Variants in SLC35F4 observed in about 807,000 individuals in gnomAD.
SLC35F4 encodes chromosome 14 open reading frame 36.
A neutral mutation model predicts 44.2 loss-of-function variants in SLC35F4; 24 were observed. The ratio of observed to expected loss-of-function variants is 0.54; its 90% CI spans 0.39 to 0.76. The LOEUF is 0.76. SLC35F4 is among the 30% of genes least tolerant of loss of function. SLC35F4 has a pLI of 0.00. For missense variants in SLC35F4, 562 were observed against 586.1 expected, an observed-to-expected ratio of 0.96 and a Z score of 0.42; for synonymous variants, 238 against 223.6, an observed-to-expected ratio of 1.06 and a Z score of -0.57.
intron 1 of SLC35F4, among the ~76,000 whole-genome samples, chr14:57,755,027 T>A (rs1229457886): frequency 1.3e-5 from 2 of 152,172 alleles, no homozygotes; most frequent in Admixed American, 6.5e-5. Flanking sequence ...GTAAACTTCG[T>A]GGTGTGGAAT....
chr14:57,908,942 T>C (rs1392753520), intron 1 of SLC35F4, among the ~76,000 whole-genome samples: 1 of 152,240 alleles, frequency 6.6e-6, no homozygotes, highest in Non-Finnish European at 1.5e-5. Flanking sequence ...CTTTAATCCA[T>C]CCTGAGTTAA....
At chr14:57,784,482 A>G (rs2077708100) in intron 1 of SLC35F4, among the ~76,000 whole-genome samples, 1 of 152,140 alleles carries the variant, frequency 6.6e-6, no homozygotes, top group African/African-American at 2.4e-5. Flanking sequence ...CTAATAGGTC[A>G]AGACCAGCCT....
At chr14:57,911,650 C>T (rs545485483) in intron 1 of SLC35F4, among the ~76,000 whole-genome samples, 7 of 151,996 alleles carry the variant, frequency 4.6e-5, no homozygotes, top group South Asian at 4.1e-4. Flanking sequence ...ATCGTCATAG[C>T]GTATAATTCT....
chr14:57,598,634 A>T (rs963325826), intron 1 of SLC35F4, among the ~76,000 whole-genome samples: 1 of 152,208 alleles, frequency 6.6e-6, no homozygotes, highest in Non-Finnish European at 1.5e-5. Flanking sequence ...GATGACTTGG[A>T]AGATACAGAT....
At chr14:57,644,556 C>T (rs1200310899) in intron 1 of SLC35F4, among the ~76,000 whole-genome samples, 1 of 151,626 alleles carries the variant, frequency 6.6e-6, no homozygotes, top group Middle Eastern at 3.2e-3. Context: ...TTCTCCCATT[C>T]TGTAGGTTGC....
intron 1 of SLC35F4, among the ~76,000 whole-genome samples, chr14:57,957,344 A>G (rs955395398): frequency 2.0e-5 from 3 of 151,958 alleles, no homozygotes; most frequent in African/African-American, 7.3e-5. Flanking sequence ...CGTAGGTGAC[A>G]GGTTGATGCA....
chr14:57,847,185 C>G (rs866567873), intron 1 of SLC35F4, among the ~76,000 whole-genome samples: 1 of 152,120 alleles, frequency 6.6e-6, no homozygotes, highest in African/African-American at 2.4e-5. Context: ...GACATGCTGC[C>G]CTAGACCCTT....
chr14:57,742,131 A>G (rs1047787348), intron 1 of SLC35F4, among the ~76,000 whole-genome samples: 1 of 152,218 alleles, frequency 6.6e-6, no homozygotes, highest in Non-Finnish European at 1.5e-5. Context: ...GCCAAATTGT[A>G]AAGACCATCC....
At chr14:57,582,372 T>G (rs917548727) in intron 3 of SLC35F4, among the ~76,000 whole-genome samples, 7 of 152,078 alleles carry the variant, frequency 4.6e-5, no homozygotes, top group Non-Finnish European at 1.0e-4. Flanking sequence ...GTTTTTGAAA[T>G]TTTTTTGTAG....
At chr14:57,882,867 G>T (rs1018409356) in intron 1 of SLC35F4, among the ~76,000 whole-genome samples, 7 of 152,134 alleles carry the variant, frequency 4.6e-5, no homozygotes, top group African/African-American at 1.4e-4. Context: ...CCCATGAAAG[G>T]CTGGGTGTTC....
At chr14:57,845,213 T>C (rs1219044132) in intron 1 of SLC35F4, among the ~76,000 whole-genome samples, 1 of 152,196 alleles carries the variant, frequency 6.6e-6, no homozygotes, top group Non-Finnish European at 1.5e-5. Flanking sequence ...GACTGCTTGT[T>C]ACTCTCTCTA....
intron 1 of SLC35F4, among the ~76,000 whole-genome samples, chr14:57,746,963 A>C (rs1351224827): frequency 6.6e-6 from 1 of 152,216 alleles, no homozygotes; most frequent in African/African-American, 2.4e-5. Context: ...TGCCCTACAC[A>C]GGAAAGAAAC....
upstream of SLC35F4, among the ~76,000 whole-genome samples, chr14:57,869,987 T>C (rs1168448316): frequency 6.6e-6 from 1 of 152,222 alleles, no homozygotes; most frequent in Non-Finnish European, 1.5e-5. Context: ...GAGTCCACTC[T>C]TCATTGGCCT....
At chr14:57,901,911 G>T (rs774662596) in intron 1 of SLC35F4, among the ~76,000 whole-genome samples, 6 of 152,042 alleles carry the variant, frequency 3.9e-5, no homozygotes, top group Non-Finnish European at 8.8e-5. Context: ...TTTCAGTGAA[G>T]GTCTTCTGAC....
chr14:57,685,499 C>T (rs2075040459), intron 1 of SLC35F4, among the ~76,000 whole-genome samples: 1 of 152,102 alleles, frequency 6.6e-6, no homozygotes, highest in Non-Finnish European at 1.5e-5. Flanking sequence ...GGTGATATTC[C>T]CCAAGAGGCA....
intron 1 of SLC35F4, among the ~76,000 whole-genome samples, chr14:57,926,823 A>T (rs1889584112): frequency 1.3e-5 from 2 of 151,892 alleles, no homozygotes; most frequent in South Asian, 4.2e-4. Context: ...CGACTTGGAG[A>T]AGATATCACC....
intron 1 of SLC35F4, among the ~76,000 whole-genome samples, chr14:57,824,148 C>G (rs765713068): frequency 3.6e-4 from 55 of 152,032 alleles, no homozygotes; most frequent in Non-Finnish European, 2.4e-4. Flanking sequence ...CGTTGATCAA[C>G]AAAACATGAC....
chr14:57,616,759 T>G (rs992608984), intron 1 of SLC35F4, among the ~76,000 whole-genome samples: 8 of 152,158 alleles, frequency 5.3e-5, no homozygotes, highest in African/African-American at 1.9e-4. Flanking sequence ...TCCATATAGT[T>G]TGAGGGGTCC....
chr14:57,756,708 G>A (rs1220684026), intron 1 of SLC35F4, among the ~76,000 whole-genome samples: 3 of 152,160 alleles, frequency 2.0e-5, no homozygotes, highest in Non-Finnish European at 2.9e-5. Flanking sequence ...AGGCTGGAGT[G>A]CAGTGGCATG....
Sources: allele counts gnomAD v4.1 joint callset (sites outside exome capture counted in the v4.1 genomes callset), GRCh38; gene constraint gnomAD v4.1.1; transcripts MANE v1.5; gene names NCBI Gene and HGNC (gene_info 2026-07-23, HGNC 2026-07-21).